The following FAIM2 variants were observed in gnomAD, a reference collection of about 807,000 sequenced individuals.
The protein encoded by FAIM2 is Fas apoptotic inhibitory molecule 2.
Under a neutral mutation model 47.4 loss-of-function variants are expected in FAIM2, and 27 were observed. The observed-to-expected ratio is 0.57, with a 90% CI of 0.42 to 0.78. The LOEUF (loss-of-function observed/expected upper bound fraction) is 0.78, where lower values mean the gene tolerates loss of function less well. Among genes scored for constraint, FAIM2 ranks in the 30% least tolerant of loss-of-function variants. The pLI is 0.00. For synonymous variants in FAIM2, 156 were observed against 159.3 expected, an observed-to-expected ratio of 0.98 and a Z score of 0.16; for missense variants, 311 against 389.4, an observed-to-expected ratio of 0.80 and a Z score of 1.69.
At chr12:49,890,276 C>A in intron 7 of FAIM2, 122 bp from the exon 8 acceptor site, 2 of 835,002 alleles carry the variant, frequency 2.4e-6, no homozygotes, top group South Asian at 1.5e-5. Context: ...TCTATGTCAC[C>A]CCCACACACA....
At chr12:49,889,704 C>T in intron 8 of FAIM2, 136 bp from the exon 9 acceptor site, 1 of 694,878 alleles carries the variant, frequency 1.4e-6, no homozygotes, top group South Asian at 1.8e-5. Context: ...TTCCCCAGAT[C>T]CCTCTGTCTG....
Position 49,901,276 on chromosome 12 carries a change from T to C in FAIM2, c.65A>G (p.His22Arg), listed in dbSNP as rs775815643. 1.9e-6 allele frequency: 3 copies of C among 1,607,728 alleles called. No individual in the cohort carries two copies. Among genetic ancestry groups the C allele is most frequent in the East Asian group, 2.3e-5 (1 of 44,124 alleles). ...TGCTGGAGCCTCCTTCTTCTCGCCA[T>C]GCACCTGCTGCTGCCCCTCGGTCCC... ...APGTEGQQQV[H>R]GEKKEAPAVP... Residue 22 changes from histidine (H) to arginine (R), a missense_variant, in exon 2 of 12, where the codon CAT (histidine) becomes CGT (arginine). By Grantham distance (29) the His-to-Arg change is conservative. Coordinates refer to ENST00000320634, the MANE Select transcript of FAIM2 (RefSeq NM_012306.4).
intron 2 of FAIM2, chr12:49,900,369 T>A: frequency 2.9e-6 from 1 of 350,078 alleles, no homozygotes. Flanking sequence ...CCACAGGGGC[T>A]AAGGAGGATT....
In FAIM2 at chr12:49,874,271, G is replaced by A. The variant is rs944654260; in HGVS notation, c.802-3618C>T. 7.2e-5 allele frequency among the ~76,000 whole-genome samples: 11 copies of A among 152,188 alleles called. No homozygotes were observed. Among genetic ancestry groups the A allele is most frequent in the African/African-American group, 2.7e-4 (11 of 41,438 alleles). On this transcript the variant is annotated intron_variant, in intron 11 of 11. Transcript: ENST00000320634. This position sits in a 1 kb window ranked among gnomAD's most constrained non-coding sequence, Gnocchi z 4.2. Reference sequence around the variant, plus strand: ...CTTACATCTGAAGAGTCCTTCCCCAGACCAACACTTGATCTCATCTCCCTC... The same window carrying A: ...CTTACATCTGAAGAGTCCTTCCCCAAACCAACACTTGATCTCATCTCCCTC...
intron 2 of FAIM2, chr12:49,900,192 T>C: frequency 2.3e-6 from 3 of 1,286,864 alleles, no homozygotes; most frequent in Non-Finnish European, 3.0e-6. Context: ...GTGGGGTGAG[T>C]CTTCAGGGGT....
intron 11 of FAIM2, among the ~76,000 whole-genome samples, chr12:49,880,881 A>AGAGTGT (rs142566990): frequency 0.018 from 2,710 of 150,948 alleles, 43 homozygotes; most frequent in African/African-American, 0.045. Context: ...CGTGAATGTG[A>AGAGTGT]GTGTGTGTGT....
At chr12:49,876,631 G>A (rs1946738613) in intron 11 of FAIM2, among the ~76,000 whole-genome samples, 1 of 151,956 alleles carries the variant, frequency 6.6e-6, no homozygotes, top group Admixed American at 6.5e-5. Context: ...AATTAGCCGG[G>A]CGTGGTGGTG....
chr12:49,877,957 T>G (rs570194967), intron 11 of FAIM2, among the ~76,000 whole-genome samples: 245 of 140,546 alleles, frequency 1.7e-3, no homozygotes, highest in African/African-American at 7.8e-3. Context: ...TGCGTATGTG[T>G]GTGTATGTGT....
chr12:49,898,149 C>T (rs1031947652), intron 2 of FAIM2, 59 bp from the exon 3 acceptor site: 3 of 1,251,056 alleles, frequency 2.4e-6, no homozygotes, highest in East Asian at 4.7e-5. Context: ...ATTACTGTCC[C>T]CAACAGCCCC....
At chr12:49,879,146 G>A (rs1234417966) in intron 11 of FAIM2, among the ~76,000 whole-genome samples, 1 of 135,462 alleles carries the variant, frequency 7.4e-6, no homozygotes, top group Non-Finnish European at 1.6e-5. Flanking sequence ...GCATGTTTGT[G>A]TATGTGCATG....
chr12:49,895,360 A>G (rs1592793598), intron 5 of FAIM2, among the ~76,000 whole-genome samples: 1 of 150,044 alleles, frequency 6.7e-6, no homozygotes, highest in Admixed American at 6.6e-5. Context: ...CTCTGCCTCC[A>G]CCTCCCGGGC....
chr12:49,870,647 C>T lies in FAIM2; in HGVS notation c.808G>A (p.Ala270Thr). ...CCCATCAGCAACTGGGTGTCAAGTG[C>T]CAGGAACTGGGAGAAGTGAGGAGAG... The part of the protein sequence containing the change: ...LGAGVFTLFL[A>T]LDTQLLMGNR... Residue 270 changes from alanine to threonine, a missense_variant, in exon 12 of 12, where the codon GCA becomes ACA. Transcript: ENST00000320634. The T allele has an allele frequency of 6.2e-7, 1 of 1,613,752 alleles. No individual in the cohort carries two copies. The highest frequency in any genetic ancestry group is 1.7e-5 in the Admixed American group (1 of 60,002).
intron 7 of FAIM2, 84 bp from the exon 8 acceptor site, chr12:49,890,238 C>T (rs560858365): frequency 4.7e-6 from 6 of 1,264,296 alleles, no homozygotes; most frequent in African/African-American, 1.5e-5. Context: ...CAGGTCTCCA[C>T]CCCTTGCAGG....
At chr12:49,877,253 A>T (rs1467086355) in intron 11 of FAIM2, among the ~76,000 whole-genome samples, 1 of 152,224 alleles carries the variant, frequency 6.6e-6, no homozygotes, top group African/African-American at 2.4e-5. Context: ...GGAATGAGAC[A>T]GGCAGGCCGC....
chr12:49,901,340 C>CAG lies in FAIM2; in HGVS notation c.16-17_16-16dup. The CAG allele has an allele frequency of 6.6e-7, 1 of 1,517,508 alleles. No homozygotes were observed. Among genetic ancestry groups the CAG allele is most frequent in the Non-Finnish European group, 8.8e-7 (1 of 1,137,434 alleles). The allele number at this position is 1,517,508 out of a possible 1,614,324, so 94.0% of individuals were successfully genotyped here. ...GCCACGGAGAGCTATGGAGTAGAGT[C>CAG]AGAGAGAGAGATAGTCACCAGGGAA... On this transcript the variant is annotated splice_polypyrimidine_tract_variant and intron_variant, in intron 1 of 11. Coordinates refer to ENST00000320634, the MANE Select transcript of FAIM2 (RefSeq NM_012306.4).
chr12:49,888,979 C>T (rs542926605), intron 10 of FAIM2, 128 bp downstream of exon 10: 19 of 707,232 alleles, frequency 2.7e-5, no homozygotes, highest in Admixed American at 1.3e-4. Flanking sequence ...CAGGAGGGGC[C>T]GCACAGGATG....
Position 49,903,779 on chromosome 12 carries a change from T to C in FAIM2, c.14A>G (p.Lys5Arg). ...TGCAGGCTGGGGAGATGCCGGTACC[T>C]TTCCCTGGGTCATGGTGCCGTCTCT... MTQG[K>R]LSVANKAPGT... The change falls in exon 1 of 12, where the codon AAG (lysine) becomes AGG (arginine). Residue 5 changes from lysine (K) to arginine (R), a missense_variant and splice_region_variant. By Grantham distance (26) the Lys-to-Arg change is conservative. Transcript: ENST00000320634. 6.5e-7 allele frequency: 1 copy of C among 1,547,276 alleles called. No individual in the cohort carries two copies. The highest frequency in any genetic ancestry group is 1.2e-5 in the South Asian group (1 of 83,742).
chr12:49,897,739 G>A (rs1946948598), intron 3 of FAIM2, 156 bp from the exon 4 acceptor site: 5 of 652,570 alleles, frequency 7.7e-6, no homozygotes, highest in East Asian at 5.5e-5. Context: ...CGAAAGGAAA[G>A]CAAAGATGCT....
At position 49,889,557 on chromosome 12, in the gene FAIM2, G is replaced by T. The variant is rs1265452499; in HGVS notation, c.575C>A (p.Thr192Asn). The T allele has an allele frequency of 1.9e-6, 3 of 1,613,884 alleles. No individual in the cohort carries two copies. The highest frequency in any genetic ancestry group is 2.7e-5 in the African/African-American group (2 of 74,916). ...LTGMLSSYYN[T>N]TSVLLCLGIT... ...GCCCAGGCACAGCAGCACGGAGGTG[G>T]TGTTGTAGTAGCTGAGGACCGTCAG... Residue 192 changes from threonine (T) to asparagine (N), a missense_variant, in exon 9 of 12, where the codon ACC (threonine) becomes AAC (asparagine). Thr to Asn is a moderately conservative substitution (Grantham distance 65). Coordinates refer to ENST00000320634, the MANE Select transcript of FAIM2 (RefSeq NM_012306.4).
Sources: gnomAD v4.1 joint callset for allele counts (sites outside exome capture counted in the v4.1 genomes callset) on GRCh38, gnomAD v4.1.1 for gene constraint, Gnocchi (gnomAD v3.1) non-coding constraint, MANE v1.5 for transcripts, NCBI Gene and HGNC (gene_info 2026-07-23, HGNC 2026-07-21) for gene names.